Variants in UBOX5 observed in about 807,000 individuals in gnomAD.
The protein encoded by UBOX5 is U-box domain containing 5, also known as RING finger protein 37.
UBOX5 carries 28 observed loss-of-function variants against 39.0 expected under a neutral mutation model. The ratio of observed to expected loss-of-function variants is 0.72; its 90% CI spans 0.53 to 0.98. The LOEUF (loss-of-function observed/expected upper bound fraction) is 0.98, where lower values mean the gene tolerates loss of function less well. UBOX5 is among the 50% of genes least tolerant of loss of function. UBOX5 has a pLI of 0.00. For missense variants in UBOX5, 585 were observed against 674.4 expected (o/e 0.87, Z 1.47); for synonymous variants, 283 against 275.5 (o/e 1.03, Z -0.27).
chr20:3,117,280 A>G (rs1477952343), intron 3 of UBOX5, among the ~76,000 whole-genome samples: 5 of 121,466 alleles, frequency 4.1e-5, no homozygotes, highest in Non-Finnish European at 9.2e-5. Context: ...ACACCTGACC[A>G]AAGATGGCAC....
intron 3 of UBOX5, 84 bp downstream of exon 3, chr20:3,121,300 A>G: frequency 6.6e-7 from 1 of 1,519,808 alleles, no homozygotes. Flanking sequence ...AAGCTGGCCA[A>G]GCACAAAGCA....
At chr20:3,113,888 C>T (rs1300898995) in intron 4 of UBOX5, among the ~76,000 whole-genome samples, 1 of 152,196 alleles carries the variant, frequency 6.6e-6, no homozygotes, top group Non-Finnish European at 1.5e-5. Flanking sequence ...ATTCCCAGCA[C>T]TTTGGGAGGC....
At chr20:3,157,236 G>A (rs764542407) in intron 1 of UBOX5, among the ~76,000 whole-genome samples, 7 of 152,144 alleles carry the variant, frequency 4.6e-5, no homozygotes, top group Non-Finnish European at 7.3e-5. Flanking sequence ...ATGTTAACTG[G>A]GCTAGACTCT....
In UBOX5 at chr20:3,109,768, C is replaced by A; in HGVS notation, c.*338G>T. On this transcript the variant is annotated 3_prime_UTR_variant, in exon 5 of 5. Coordinates refer to ENST00000217173, the MANE Select transcript of UBOX5 (RefSeq NM_014948.4). ...AATCTAGGGTGAGCCACCCACAGTG[C>A]CCTGCTGGACAGGGGGGTATGCGGA... The A allele has an allele frequency of 2.9e-6, 1 of 345,336 alleles. No individual in the cohort carries two copies. Among genetic ancestry groups the A allele is most frequent in the Non-Finnish European group, 5.5e-6 (1 of 180,438 alleles). 21.4% of individuals were successfully genotyped at this position (345,336 alleles called of 1,614,324 possible). A position where few individuals can be genotyped will look rare whatever the true frequency, so the allele number is the denominator to read the frequency against.
At chr20:3,148,099 C>G in intron 1 of UBOX5, 1 of 1,614,036 alleles carries the variant, frequency 6.2e-7, no homozygotes, top group African/African-American at 1.3e-5. Flanking sequence ...ATTTAAAGAA[C>G]CCCAAACAGA....
chr20:3,148,007 G>C, intron 1 of UBOX5: 1 of 1,614,112 alleles, frequency 6.2e-7, no homozygotes, highest in Non-Finnish European at 8.5e-7. Context: ...ATTCACTAAG[G>C]AGCGACTACT....
chr20:3,150,669 C>A (rs1319166429), intron 1 of UBOX5: 1 of 152,200 alleles, frequency 6.6e-6, no homozygotes, highest in Admixed American at 6.5e-5. Flanking sequence ...GCCTGCCTAA[C>A]TCTGCTGTCA....
rs2148582684 is a variant in UBOX5 at position 3,109,184 on chromosome 20, A to G, written c.*922T>C. 6.6e-6 allele frequency: 1 copy of G among 152,332 alleles called. No individual in the cohort carries two copies. The highest frequency in any genetic ancestry group is 2.1e-4 in the South Asian group (1 of 4,824). 9.4% of individuals were successfully genotyped at this position (152,332 alleles called of 1,614,324 possible). ...GTTCTTCTAGTGGCTGGAATCTGAT[A>G]GAGTACCAAGTTGTAGGGATATGGA... On this transcript the variant is annotated 3_prime_UTR_variant, in exon 5 of 5. Coordinates refer to ENST00000217173, the MANE Select transcript of UBOX5 (RefSeq NM_014948.4).
chr20:3,114,716 G>A (rs763051207), intron 4 of UBOX5, among the ~76,000 whole-genome samples: 23 of 152,186 alleles, frequency 1.5e-4, no homozygotes, highest in Non-Finnish European at 2.1e-4. Flanking sequence ...TTGCGAGGCC[G>A]AGGCGGGCGG....
At chr20:3,120,184 T>C (rs1249041565) in intron 3 of UBOX5, among the ~76,000 whole-genome samples, 1 of 151,730 alleles carries the variant, frequency 6.6e-6, no homozygotes, top group South Asian at 2.1e-4. Context: ...CCTTCTCTAC[T>C]AAAAATACAA....
At chr20:3,132,347 T>C (rs1484907867) in intron 1 of UBOX5, among the ~76,000 whole-genome samples, 1 of 152,006 alleles carries the variant, frequency 6.6e-6, no homozygotes, top group African/African-American at 2.4e-5. Flanking sequence ...CAAAGAATTA[T>C]ACAGCACAAA....
intron 4 of UBOX5, 86 bp from the exon 5 acceptor site, chr20:3,110,400 G>A (rs1224403488): frequency 9.6e-6 from 14 of 1,465,632 alleles, no homozygotes; most frequent in South Asian, 7.0e-5. Context: ...CCTTCCCACC[G>A]TGCTGCTGCA....
chr20:3,148,103 A>G lies in UBOX5; in HGVS notation c.-42+11663T>C, dbSNP rs2066587066. 3 of 1,614,126 alleles carry G rather than the reference A, an allele frequency of 1.9e-6. No individual in the cohort carries two copies. In the African/African-American group the frequency reaches 4.0e-5, roughly 22 times the overall value. ...ATTAGTACTTGATTTAAAGAACCCC[A>G]AACAGATGGTACCAACCTCCTCCAA... On this transcript the variant is annotated intron_variant, in intron 1 of 4. Transcript: ENST00000217173.
chr20:3,135,512 C>T (rs2066462840), intron 1 of UBOX5, among the ~76,000 whole-genome samples: 1 of 152,078 alleles, frequency 6.6e-6, no homozygotes, highest in African/African-American at 2.4e-5. Flanking sequence ...AGGCCTTGAA[C>T]GTCATGCCAA....
chr20:3,141,038 C>T (rs975979503), intron 1 of UBOX5, among the ~76,000 whole-genome samples: 2 of 151,720 alleles, frequency 1.3e-5, no homozygotes, highest in African/African-American at 4.8e-5. Flanking sequence ...CCTGCCTCAG[C>T]CTCCCAAGTA....
At chr20:3,143,814 CCAGTTATGGTGG>C (rs1411593884) in intron 1 of UBOX5, among the ~76,000 whole-genome samples, 16 of 151,914 alleles carry the variant, frequency 1.1e-4, no homozygotes, top group Admixed American at 7.2e-4. Context: ...AAAAAATTAG[CCAGTTATGGTGG>C]CATGCACCTG....
chr20:3,145,252 C>T (rs1328224049), intron 1 of UBOX5, among the ~76,000 whole-genome samples: 2 of 151,664 alleles, frequency 1.3e-5, no homozygotes, highest in African/African-American at 4.8e-5. Flanking sequence ...TTCTAAACTA[C>T]GGTGATCCTC....
At chr20:3,158,898 AG>A (rs1021893469) in intron 1 of UBOX5, among the ~76,000 whole-genome samples, 7 of 152,238 alleles carry the variant, frequency 4.6e-5, no homozygotes, top group Admixed American at 6.5e-5. Context: ...CACAAAGTGT[AG>A]AAAACGTGAA....
intron 1 of UBOX5, among the ~76,000 whole-genome samples, chr20:3,145,092 T>C (rs1289976794): frequency 1.3e-5 from 2 of 151,740 alleles, no homozygotes; most frequent in Non-Finnish European, 2.9e-5. Flanking sequence ...ATAAGAATTT[T>C]AATTTTAGAG....
Sources: gnomAD v4.1 joint callset for allele counts (sites outside exome capture counted in the v4.1 genomes callset) on GRCh38, gnomAD v4.1.1 for gene constraint, MANE v1.5 for transcripts, NCBI Gene and HGNC (gene_info 2026-07-23, HGNC 2026-07-21) for gene names.